Variants in TMEM132B observed in about 807,000 individuals in gnomAD.
TMEM132B encodes transmembrane protein 132B.
In TMEM132B, 18 loss-of-function variants were observed where a neutral mutation model predicts 90.8. The observed-to-expected ratio is 0.20, with a 90% confidence interval of 0.14 to 0.29. The LOEUF is 0.29. Among genes scored for constraint, TMEM132B ranks in the 10% least tolerant of loss-of-function variants. TMEM132B has a pLI of 1.00. For missense variants in TMEM132B, 1,096 were observed against 1,326.8 expected, an observed-to-expected ratio of 0.83 and a Z score of 2.70; for synonymous variants, 504 against 523.3, an observed-to-expected ratio of 0.96 and a Z score of 0.50.
chr12:125,532,840 A>G (rs1315818221), intron 4 of TMEM132B, among the ~76,000 whole-genome samples: 1 of 151,984 alleles, frequency 6.6e-6, no homozygotes, highest in Non-Finnish European at 1.5e-5. Flanking sequence ...CTGAGACAAT[A>G]ATTTTCTTTT....
intron 3 of TMEM132B, among the ~76,000 whole-genome samples, chr12:125,472,944 C>T (rs563519038): frequency 1.3e-5 from 2 of 152,300 alleles, no homozygotes; most frequent in South Asian, 2.1e-4. Flanking sequence ...TTCAGTTCCA[C>T]GTGTGAGCCT....
At chr12:125,362,212 C>T (rs1877980175) in intron 2 of TMEM132B, among the ~76,000 whole-genome samples, 1 of 152,208 alleles carries the variant, frequency 6.6e-6, no homozygotes, top group African/African-American at 2.4e-5. Flanking sequence ...TCCTTTCCTT[C>T]TCCTGCTCAG....
intron 1 of TMEM132B, among the ~76,000 whole-genome samples, chr12:125,236,132 T>TTTTG (rs997303425): frequency 6.5e-4 from 87 of 134,350 alleles, no homozygotes; most frequent in African/African-American, 2.4e-3. Flanking sequence ...TAGTTGAATT[T>TTTTG]TTTGTTTGTT....
chr12:125,311,181 G>C (rs1167491215), intron 1 of TMEM132B, among the ~76,000 whole-genome samples: 2 of 152,150 alleles, frequency 1.3e-5, no homozygotes. Flanking sequence ...CTTTCTTACG[G>C]ATGCTCCTGG....
rs930816087 is a variant in TMEM132B, at chr12:125,213,362, T to C, written c.67+26496T>C. Among the ~76,000 whole-genome samples the C allele has an allele frequency of 9.9e-5, 15 of 152,226 alleles. No individual in the cohort carries two copies. The highest frequency in any genetic ancestry group is 3.6e-4 in the African/African-American group (15 of 41,442). Reference sequence around the variant, plus strand: ...TGGGTTGCTTCCACCTTTTGGATATTGTGAATAGCACTGCTGAGAACATTT... The same window carrying C: ...TGGGTTGCTTCCACCTTTTGGATATCGTGAATAGCACTGCTGAGAACATTT... On this transcript the variant is annotated intron_variant, in intron 1 of 8. Coordinates refer to ENST00000682704, the MANE Select transcript of TMEM132B (RefSeq NM_001366854.1). This position sits in a 1 kb window ranked among gnomAD's most constrained non-coding sequence, Gnocchi z 4.2.
chr12:125,311,169 T>C (rs1195818378), intron 1 of TMEM132B, among the ~76,000 whole-genome samples: 1 of 152,140 alleles, frequency 6.6e-6, no homozygotes, highest in Non-Finnish European at 1.5e-5. Context: ...TAAAGGGAGA[T>C]TCTTTCTTAC....
chr12:125,513,333 C>CCT (rs1883029497), intron 3 of TMEM132B, among the ~76,000 whole-genome samples: 1 of 151,558 alleles, frequency 6.6e-6, no homozygotes, highest in African/African-American at 2.4e-5. Flanking sequence ...TGTGCGTGTG[C>CCT]GTGTGCCTGT....
chr12:125,197,229 G>T (rs1026158778), intron 1 of TMEM132B, among the ~76,000 whole-genome samples: 1 of 152,050 alleles, frequency 6.6e-6, no homozygotes, highest in South Asian at 2.1e-4. Flanking sequence ...AAGATTAAAA[G>T]AAAAAAATTC....
At chr12:125,395,391 A>C (rs925739635) in intron 2 of TMEM132B, among the ~76,000 whole-genome samples, 15 of 152,202 alleles carry the variant, frequency 9.9e-5, no homozygotes, top group Admixed American at 3.3e-4. Context: ...TATGAATTGA[A>C]TTTTTGTATC....
At chr12:125,323,125 C>A (rs1876473683) in intron 1 of TMEM132B, among the ~76,000 whole-genome samples, 1 of 152,268 alleles carries the variant, frequency 6.6e-6, no homozygotes, top group South Asian at 2.1e-4. Flanking sequence ...TGGCTTGGTT[C>A]TAGTCTTTTG....
At chr12:125,472,845 G>A (rs897453929) in intron 3 of TMEM132B, among the ~76,000 whole-genome samples, 4 of 152,122 alleles carry the variant, frequency 2.6e-5, no homozygotes, top group African/African-American at 4.8e-5. Context: ...ATAAGTTTCG[G>A]TTGTTTAGAA....
chr12:125,633,888 A>T lies in TMEM132B; in HGVS notation c.1438-10188A>T, dbSNP rs1886421686. On this transcript the variant is annotated intron_variant, in intron 5 of 8. Transcript: ENST00000682704. The stretch of plus-strand genomic sequence containing the variant: ...GCTGGATCAGACCTGAAGCCAGCAC[A>T]GCACTGGGTCTCATCCAAGGCTTGC... Among the ~76,000 whole-genome samples, 3 of 152,208 alleles carry T rather than the reference A, an allele frequency of 2.0e-5. No homozygotes were observed. The South Asian group carries it at 6.2e-4, about 31-fold the overall frequency.
At chr12:125,650,110 CG>C (rs1315741629) in intron 6 of TMEM132B, among the ~76,000 whole-genome samples, 6 of 152,006 alleles carry the variant, frequency 3.9e-5, no homozygotes, top group African/African-American at 1.5e-4. Context: ...ATGAGGAGGT[CG>C]GGTGTTAGAA....
intron 4 of TMEM132B, among the ~76,000 whole-genome samples, chr12:125,522,432 G>A (rs1207577536): frequency 6.6e-6 from 1 of 152,178 alleles, no homozygotes; most frequent in Non-Finnish European, 1.5e-5. Context: ...CAGATACAGG[G>A]AGCAGCTGCT....
chr12:125,230,315 T>C (rs1644817721), intron 1 of TMEM132B, among the ~76,000 whole-genome samples: 1 of 152,100 alleles, frequency 6.6e-6, no homozygotes, highest in African/African-American at 2.4e-5. Flanking sequence ...TGTTGGCTTC[T>C]CCTCTGTGTG....
chr12:125,493,835 G>A (rs916774880), intron 3 of TMEM132B, among the ~76,000 whole-genome samples: 2 of 149,632 alleles, frequency 1.3e-5, no homozygotes, highest in African/African-American at 4.9e-5. Context: ...GGAAATGGCC[G>A]CATCCCTCCT....
chr12:125,340,618 T>C (rs1460569818), intron 1 of TMEM132B, among the ~76,000 whole-genome samples: 2 of 152,224 alleles, frequency 1.3e-5, no homozygotes, highest in Non-Finnish European at 1.5e-5. Context: ...AAAATATTTC[T>C]AGCCTCAGAA....
At chr12:125,434,997 C>T (rs1880659865) in intron 3 of TMEM132B, among the ~76,000 whole-genome samples, 1 of 152,214 alleles carries the variant, frequency 6.6e-6, no homozygotes, top group African/African-American at 2.4e-5. Flanking sequence ...TTTGGGGAAA[C>T]CCTCGGGAAA....
intron 3 of TMEM132B, among the ~76,000 whole-genome samples, chr12:125,512,755 G>A (rs1393010925): frequency 6.6e-6 from 1 of 152,124 alleles, no homozygotes; most frequent in African/African-American, 2.4e-5. Flanking sequence ...TTGACAAAAC[G>A]GAAATGAGGA....
Sources: gnomAD v4.1 joint callset for allele counts (sites outside exome capture counted in the v4.1 genomes callset) on GRCh38, gnomAD v4.1.1 for gene constraint, Gnocchi (gnomAD v3.1) non-coding constraint, MANE v1.5 for transcripts, NCBI Gene and HGNC (gene_info 2026-07-23, HGNC 2026-07-21) for gene names.